Variants in CPNE2 observed in about 807,000 individuals in gnomAD.
CPNE2 encodes copine 2.
A neutral mutation model predicts 69.7 loss-of-function variants in CPNE2; 42 were observed. The ratio of observed to expected loss-of-function variants is 0.60; its 90% CI spans 0.47 to 0.78. The LOEUF (loss-of-function observed/expected upper bound fraction) is 0.78. CPNE2 is among the 30% of genes least tolerant of loss of function. The probability of loss-of-function intolerance (pLI) is 0.00; values close to 1 mark genes in which losing one functional copy is unlikely to be tolerated. For missense variants in CPNE2, 587 were observed against 732.0 expected, an observed-to-expected ratio of 0.80 and a Z score of 2.29; for synonymous variants, 294 against 289.8, an observed-to-expected ratio of 1.01 and a Z score of -0.15.
At chr16:57,100,248 A>T (rs2145233867) in intron 1 of CPNE2, among the ~76,000 whole-genome samples, 1 of 152,312 alleles carries the variant, frequency 6.6e-6, no homozygotes, top group South Asian at 2.1e-4. Flanking sequence ...GAAATCACTA[A>T]GTGAAGAAGG....
At chr16:57,115,883 A>G (rs1420439064) in intron 4 of CPNE2, among the ~76,000 whole-genome samples, 1 of 152,206 alleles carries the variant, frequency 6.6e-6, no homozygotes, top group Non-Finnish European at 1.5e-5. Flanking sequence ...GCAATGCGCA[A>G]CGACTCCCGC....
At chr16:57,134,135 G>T (rs1166845986) in intron 12 of CPNE2, among the ~76,000 whole-genome samples, 1 of 152,206 alleles carries the variant, frequency 6.6e-6, no homozygotes, top group Non-Finnish European at 1.5e-5. Context: ...CGGAGTGTCC[G>T]GGTCAGTCTC....
At position 57,119,276 on chromosome 16, in the gene CPNE2, G is replaced by C. The variant is rs1319439172; in HGVS notation, c.589G>C (p.Glu197Gln). 1 of 1,614,104 alleles carries C rather than the reference G, an allele frequency of 6.2e-7. No homozygotes were observed. Among genetic ancestry groups the C allele is most frequent in the Admixed American group, 1.7e-5 (1 of 60,026 alleles). The change falls in exon 6 of 16, where the codon GAG becomes CAG. Residue 197 changes from glutamate to glutamine, a missense_variant and splice_region_variant. Physicochemically the swap from Glu to Gln is conservative, Grantham distance 29. Around this residue, in one of 5 missense-constraint regions of CPNE2, gnomAD observed 269 missense variants for 300.5 expected, o/e 0.90. Transcript: ENST00000290776. ...CAAGTGGATGCTGGTCCACAGGACT[G>C]AGGTGGGTACGTGGGGGCCCAGGGA... The part of the protein sequence containing the change: ...DGKWMLVHRT[E>Q]VIKYTLDPVW...
At chr16:57,125,321 A>T (rs148130061) in intron 10 of CPNE2, 6,081 of 456,058 alleles carry the variant, frequency 0.013, 65 homozygotes, top group Non-Finnish European at 0.02. Context: ...GTGAGCTCCC[A>T]GCTGATCGGG....
chr16:57,138,251 G>A (rs2069897354), intron 14 of CPNE2, among the ~76,000 whole-genome samples: 1 of 152,112 alleles, frequency 6.6e-6, no homozygotes, highest in Non-Finnish European at 1.5e-5. Flanking sequence ...GAGGGTTGCT[G>A]AAGTCACTTC....
chr16:57,112,379 G>A (rs12597697), intron 2 of CPNE2, among the ~76,000 whole-genome samples: 1 of 151,662 alleles, frequency 6.6e-6, no homozygotes, highest in African/African-American at 2.4e-5. Flanking sequence ...TGAGTGCCCC[G>A]AGGGAGTGGT....
At chr16:57,104,007 C>T (rs1328052233) in intron 1 of CPNE2, among the ~76,000 whole-genome samples, 1 of 152,176 alleles carries the variant, frequency 6.6e-6, no homozygotes, top group Non-Finnish European at 1.5e-5. Flanking sequence ...ACCTCCGCCT[C>T]CCAGGTTCAA....
intron 1 of CPNE2, among the ~76,000 whole-genome samples, chr16:57,099,721 C>T (rs1388902395): frequency 1.3e-5 from 2 of 151,740 alleles, no homozygotes; most frequent in Non-Finnish European, 2.9e-5. Context: ...CCTGCCTTAG[C>T]CTGCTGAGTA....
chr16:57,106,562 A>G (rs750798736), intron 1 of CPNE2, among the ~76,000 whole-genome samples: 25 of 152,176 alleles, frequency 1.6e-4, no homozygotes, highest in Non-Finnish European at 3.1e-4. Context: ...GTGTAAATGG[A>G]CAAGGAAGCA....
At chr16:57,109,312 C>G (rs200062169) in intron 1 of CPNE2, among the ~76,000 whole-genome samples, 2,892 of 152,128 alleles carry the variant, frequency 0.019, 90 homozygotes, top group East Asian at 0.16. Context: ...CTCGTCTCTA[C>G]TAAAAATACA....
At chr16:57,104,899 A>C (rs1363710966) in intron 1 of CPNE2, among the ~76,000 whole-genome samples, 1 of 152,180 alleles carries the variant, frequency 6.6e-6, no homozygotes, top group Non-Finnish European at 1.5e-5. Context: ...AAGGGAGGCC[A>C]GTGCAGCTGG....
chr16:57,134,459 A>T (rs1398074250), intron 12 of CPNE2, among the ~76,000 whole-genome samples: 4 of 152,178 alleles, frequency 2.6e-5, no homozygotes, highest in African/African-American at 7.2e-5. Flanking sequence ...GCCCACAGGG[A>T]AATCCCTGTC....
chr16:57,093,650 T>G (rs1270855002), intron 1 of CPNE2, among the ~76,000 whole-genome samples: 1 of 152,140 alleles, frequency 6.6e-6, no homozygotes, highest in Non-Finnish European at 1.5e-5. Flanking sequence ...ATCTTGCATC[T>G]GAATCCCCTG....
chr16:57,116,573 G>A (rs186679041), intron 4 of CPNE2, among the ~76,000 whole-genome samples: 2 of 152,292 alleles, frequency 1.3e-5, no homozygotes, highest in Admixed American at 1.3e-4. Context: ...ATGAATGAAT[G>A]CCTTCACAAG....
rs1244014276 is a variant in CPNE2 at position 57,148,249 on chromosome 16, C to A, written c.*591C>A. The stretch of plus-strand genomic sequence containing the variant: ...TGGTGTAGTCACTTCTGCATGGGGA[C>A]ATGCATTCCAGATGATAACCTGTTA... On this transcript the variant is annotated 3_prime_UTR_variant, in exon 16 of 16. Coordinates refer to ENST00000290776, the MANE Select transcript of CPNE2 (RefSeq NM_152727.6). The A allele has an allele frequency of 6.6e-6, 1 of 152,192 alleles. No individual in the cohort carries two copies. The highest frequency in any genetic ancestry group is 1.5e-5 in the Non-Finnish European group (1 of 68,030). 9.4% of individuals were successfully genotyped at this position (152,192 alleles called of 1,614,324 possible). A position where few individuals can be genotyped will look rare whatever the true frequency, so the allele number is the denominator to read the frequency against.
intron 1 of CPNE2, among the ~76,000 whole-genome samples, chr16:57,097,574 A>G (rs1335658122): frequency 6.6e-6 from 1 of 152,224 alleles, no homozygotes; most frequent in Non-Finnish European, 1.5e-5. Flanking sequence ...CATTTCCTGT[A>G]TGAAGAAACT....
At position 57,116,551 on chromosome 16, in the gene CPNE2, C is replaced by T. The variant is rs536933128; in HGVS notation, c.436-945C>T. 3.3e-5 allele frequency among the ~76,000 whole-genome samples: 5 copies of T among 152,254 alleles called. No homozygotes were observed. The South Asian group carries it at 1.0e-3, about 32-fold the overall frequency. ...TGGGCAAGAGAGTGAAACCCCATCT[C>T]TGAATGAATGAATGAATGAATGCCT... On this transcript the variant is annotated intron_variant, in intron 4 of 15. Transcript: ENST00000290776.
intron 14 of CPNE2, among the ~76,000 whole-genome samples, chr16:57,140,138 A>G (rs2069910942): frequency 6.6e-6 from 1 of 152,112 alleles, no homozygotes; most frequent in Non-Finnish European, 1.5e-5. Context: ...GTTTCTTCTT[A>G]TGGAATGGAA....
At chr16:57,102,567 C>T (rs778623453) in intron 1 of CPNE2, among the ~76,000 whole-genome samples, 5 of 152,010 alleles carry the variant, frequency 3.3e-5, no homozygotes, top group African/African-American at 9.7e-5. Context: ...AGCCTAGAGC[C>T]GTGTTTCTCA....
Sources: gnomAD v4.1 joint callset for allele counts (sites outside exome capture counted in the v4.1 genomes callset) on GRCh38, gnomAD v4.1.1 for gene constraint, gnomAD v4.1.1 regional missense constraint, MANE v1.5 for transcripts, NCBI Gene and HGNC (gene_info 2026-07-23, HGNC 2026-07-21) for gene names.